The following FSIP1 variants were observed in gnomAD, a reference collection of about 807,000 sequenced individuals.
FSIP1 encodes fibrous sheath-interacting protein 1.
Under a neutral mutation model 60.9 loss-of-function variants are expected in FSIP1, and 65 were observed. The ratio of observed to expected loss-of-function variants is 1.07; its 90% CI spans 0.87 to 1.31. FSIP1 has a LOEUF of 1.31. Ranked by LOEUF, FSIP1 falls within the 40% of genes most tolerant of loss-of-function variation. FSIP1 has a pLI of 0.00. For missense variants in FSIP1, 675 were observed against 665.5 expected, an observed-to-expected ratio of 1.01 and a Z score of -0.16; for synonymous variants, 209 against 221.2, an observed-to-expected ratio of 0.94 and a Z score of 0.49.
chr15:39,607,020 C>T (rs907254124), intron 11 of FSIP1, among the ~76,000 whole-genome samples: 2 of 152,174 alleles, frequency 1.3e-5, no homozygotes, highest in Non-Finnish European at 2.9e-5. Context: ...AACACTTAAT[C>T]CCCACTCTCC....
chr15:39,604,241 A>G (rs1252384599), intron 11 of FSIP1, among the ~76,000 whole-genome samples: 1 of 152,174 alleles, frequency 6.6e-6, no homozygotes, highest in East Asian at 1.9e-4. Flanking sequence ...GAGACTCTAC[A>G]TTTCTAACAA....
At chr15:39,655,057 C>T (rs924306252) in intron 10 of FSIP1, among the ~76,000 whole-genome samples, 1 of 152,142 alleles carries the variant, frequency 6.6e-6, no homozygotes, top group Non-Finnish European at 1.5e-5. Flanking sequence ...CTTTCATCAA[C>T]CAAAGTTTAT....
At chr15:39,737,262 C>T (rs1896645915) in intron 8 of FSIP1, among the ~76,000 whole-genome samples, 1 of 152,224 alleles carries the variant, frequency 6.6e-6, no homozygotes. Flanking sequence ...GTTTGCCCCA[C>T]CTCACCCCCA....
Position 39,782,782 on chromosome 15 carries a change from GCCGGT to G in FSIP1, c.-167_-163del, listed in dbSNP as rs1443817138. On this transcript the variant is annotated 5_prime_UTR_variant, in exon 1 of 12. Transcript: ENST00000350221. ...AGCCTCTCTGGTAGTGGAAGAAGCC[GCCGGT>G]CCAGATCCCTCCTGCCTGTGGGACC... The G allele has an allele frequency of 6.6e-6, 1 of 152,462 alleles. No homozygotes were observed. The highest frequency in any genetic ancestry group is 1.9e-4 in the East Asian group (1 of 5,186). The allele number at this position is 152,462 out of a possible 1,614,324, so 9.4% of individuals were successfully genotyped here. A position where few individuals can be genotyped will look rare whatever the true frequency, so the allele number is the denominator to read the frequency against.
intron 10 of FSIP1, among the ~76,000 whole-genome samples, chr15:39,673,744 G>A (rs1230023452): frequency 2.6e-5 from 4 of 151,992 alleles, no homozygotes; most frequent in Non-Finnish European, 5.9e-5. Flanking sequence ...CCCACCACCT[G>A]ACACAAGAAC....
chr15:39,655,682 C>G (rs1178263977), intron 10 of FSIP1, among the ~76,000 whole-genome samples: 1 of 152,178 alleles, frequency 6.6e-6, no homozygotes, highest in Non-Finnish European at 1.5e-5. Flanking sequence ...TGCTGGTATG[C>G]AGCTACTTTT....
chr15:39,765,711 G>A lies in FSIP1; in HGVS notation c.346C>T (p.Gln116Ter). 1 of 1,553,882 alleles carries A rather than the reference G, an allele frequency of 6.4e-7. No homozygotes were observed. Among genetic ancestry groups the A allele is most frequent in the Non-Finnish European group, 8.8e-7 (1 of 1,134,010 alleles). ...PKLKELDSQL[Q>*]DAIQKMKKLD... ...TTTTTCATCTTCTGAATAGCATCTT[G>A]AAGTTGAGAATCTAATTCTTTTAAT... is the stretch of plus-strand genomic sequence containing the variant. The change falls in exon 4 of 12, where the codon CAA (glutamine) becomes TAA (stop). Residue 116 changes from glutamine to a stop codon, truncating the protein, a stop_gained. Transcript: ENST00000350221. LOFTEE classifies it high-confidence loss of function.
intron 10 of FSIP1, among the ~76,000 whole-genome samples, chr15:39,621,056 T>TAAA (rs369925726): frequency 1.2e-3 from 158 of 134,826 alleles, no homozygotes; most frequent in African/African-American, 4.0e-3. Flanking sequence ...GGGCATTTCT[T>TAAA]AAAAAAAAAA....
chr15:39,620,722 G>C (rs1004331278), intron 10 of FSIP1, among the ~76,000 whole-genome samples: 18 of 149,990 alleles, frequency 1.2e-4, no homozygotes, highest in Non-Finnish European at 2.4e-4. Context: ...CTCCCCGGTA[G>C]CTGGAATTAT....
chr15:39,672,425 T>C (rs1893758473), intron 10 of FSIP1, among the ~76,000 whole-genome samples: 2 of 152,122 alleles, frequency 1.3e-5, no homozygotes, highest in Admixed American at 1.3e-4. Context: ...CTCCCTTCTC[T>C]CCAGGAATAG....
chr15:39,748,929 A>C lies in FSIP1; in HGVS notation c.560-7029T>G, dbSNP rs558792240. ...CAACAAAAGTTAGACTAAGAAAAAA[A>C]CAGAAGACTCAAATATCTAGAATCA... On this transcript the variant is annotated intron_variant, in intron 5 of 11. Transcript: ENST00000350221. 3.9e-3 allele frequency among the ~76,000 whole-genome samples: 598 copies of C among 152,182 alleles called. 1 individual carries two copies. Among genetic ancestry groups the C allele is most frequent in the African/African-American group, 0.014 (584 of 41,554 alleles).
At chr15:39,642,431 T>G (rs72725101) in intron 10 of FSIP1, among the ~76,000 whole-genome samples, 27,589 of 152,154 alleles carry the variant, frequency 0.18, 3,036 homozygotes, top group East Asian at 0.32. Context: ...TCCAGCTCAC[T>G]CACAGACTTG....
At chr15:39,675,201 C>T (rs1440044357) in intron 10 of FSIP1, among the ~76,000 whole-genome samples, 1 of 152,020 alleles carries the variant, frequency 6.6e-6, no homozygotes, top group Non-Finnish European at 1.5e-5. Context: ...TATGGATGAA[C>T]CAGATTTCTT....
intron 2 of FSIP1, among the ~76,000 whole-genome samples, chr15:39,774,096 A>C (rs1380856500): frequency 6.6e-6 from 1 of 152,244 alleles, no homozygotes; most frequent in African/African-American, 2.4e-5. Flanking sequence ...TTAATATCAC[A>C]AAGTTAGAAA....
At chr15:39,670,343 G>A (rs558067355) in intron 10 of FSIP1, among the ~76,000 whole-genome samples, 12 of 152,276 alleles carry the variant, frequency 7.9e-5, no homozygotes, top group Non-Finnish European at 1.8e-4. Flanking sequence ...AAACAGGAAT[G>A]CAGGAAACAA....
At chr15:39,726,487 T>G in intron 9 of FSIP1, 102 bp downstream of exon 9, 1 of 1,164,904 alleles carries the variant, frequency 8.6e-7, no homozygotes. Context: ...GTTATGAAAC[T>G]ATGATCACTG....
chr15:39,694,455 A>G (rs1894730321), intron 10 of FSIP1, among the ~76,000 whole-genome samples: 1 of 152,238 alleles, frequency 6.6e-6, no homozygotes. Flanking sequence ...CTCAGTCACT[A>G]TGTAAGTTCA....
chr15:39,621,056 T>TA (rs369925726), intron 10 of FSIP1, among the ~76,000 whole-genome samples: 5,365 of 134,802 alleles, frequency 0.04, 344 homozygotes, highest in African/African-American at 0.13. Context: ...GGGCATTTCT[T>TA]AAAAAAAAAA....
At chr15:39,617,430 T>C (rs1346087841) in intron 11 of FSIP1, among the ~76,000 whole-genome samples, 1 of 152,236 alleles carries the variant, frequency 6.6e-6, no homozygotes, top group African/African-American at 2.4e-5. Context: ...GTTGAAATAC[T>C]AAGCAAATCT....
Sources: allele counts gnomAD v4.1 joint callset (sites outside exome capture counted in the v4.1 genomes callset), GRCh38; gene constraint gnomAD v4.1.1; transcripts MANE v1.5; gene names NCBI Gene and HGNC (gene_info 2026-07-23, HGNC 2026-07-21).